Variants in NARF observed in about 807,000 individuals in gnomAD.
NARF encodes nuclear prelamin A recognition factor.
NARF carries 41 observed loss-of-function variants against 48.0 expected under a neutral mutation model. The observed-to-expected ratio is 0.85, with a 90% CI of 0.66 to 1.11. The LOEUF is 1.11. NARF is among the 50% of genes least tolerant of loss of function. The pLI is 0.00. For synonymous variants in NARF, 215 were observed against 225.5 expected (o/e 0.95, Z 0.42); for missense variants, 613 against 590.2 (o/e 1.04, Z -0.40).
At position 82,458,753 on chromosome 17, in the gene NARF, C is replaced by A. The variant is rs916794332; in HGVS notation, c.-51C>A. ...GGCGGGCAGTGGTGTCCCAGTCTCC[C>A]GGTGCTTCCCTGAGGCTGAGGCGCC... On this transcript the variant is annotated 5_prime_UTR_variant, in exon 1 of 11. Transcript: ENST00000309794. 17 of 1,476,480 alleles carry A rather than the reference C, an allele frequency of 1.2e-5. No individual in the cohort carries two copies. The highest frequency in any genetic ancestry group is 1.5e-5 in the Non-Finnish European group (17 of 1,119,990). The allele number at this position is 1,476,480 out of a possible 1,614,324, so 91.5% of individuals were successfully genotyped here. A position where few individuals can be genotyped will look rare whatever the true frequency, so the allele number is the denominator to read the frequency against.
chr17:82,479,992 T>TCCATCCAG, intron 6 of NARF: 1 of 154,666 alleles, frequency 6.5e-6, no homozygotes, highest in African/African-American at 2.4e-5. Context: ...TGTGTCCTCC[T>TCCATCCAG]GTAGGTGCCA....
At chr17:82,470,716 G>A (rs888097830) in intron 4 of NARF, among the ~76,000 whole-genome samples, 9 of 152,020 alleles carry the variant, frequency 5.9e-5, no homozygotes, top group Admixed American at 2.0e-4. Context: ...GGATGGTCTC[G>A]ATCTCCTGAC....
At chr17:82,459,117 A>C in intron 1 of NARF, 1 of 1,178,792 alleles carries the variant, frequency 8.5e-7, no homozygotes. Flanking sequence ...CGCGCACCAC[A>C]GTCCGAGTAA....
chr17:82,461,567 C>T (rs556748347), intron 2 of NARF, among the ~76,000 whole-genome samples: 33 of 152,288 alleles, frequency 2.2e-4, no homozygotes, highest in Admixed American at 1.6e-3. Context: ...GCCGAGATCA[C>T]GCCACTGCAC....
Position 82,472,617 on chromosome 17 carries a change from A to G in NARF, c.439A>G (p.Ser147Gly). The G allele has an allele frequency of 6.2e-7, 1 of 1,613,668 alleles. No individual in the cohort carries two copies. The highest frequency in any genetic ancestry group is 8.5e-7 in the Non-Finnish European group (1 of 1,179,870). ...AGCTGCGGATTTTAGTATCCTGGAG[A>G]GTCAAAAAGAATTCGTGCGTCGCTA... Reference protein sequence around the residue: ...TIAADFSILESQKEFVRRYRQ... With the variant: ...TIAADFSILEGQKEFVRRYRQ... The change falls in exon 5 of 11, where the codon AGT becomes GGT. Residue 147 changes from serine (S) to glycine (G), a missense_variant. Physicochemically the swap from Ser to Gly is moderately conservative, Grantham distance 56 (BLOSUM62 0). Coordinates refer to ENST00000309794, the MANE Select transcript of NARF (RefSeq NM_012336.4).
intron 3 of NARF, among the ~76,000 whole-genome samples, chr17:82,464,784 G>A (rs1008370169): frequency 3.3e-5 from 5 of 152,160 alleles, no homozygotes; most frequent in South Asian, 2.1e-4. Context: ...TCGGCTGCAC[G>A]TTTTCGGACA....
At chr17:82,478,492 C>A in intron 5 of NARF, 1 of 468,690 alleles carries the variant, frequency 2.1e-6, no homozygotes, top group Non-Finnish European at 4.2e-6. Context: ...GCTGCTCCTG[C>A]TGCCTTTCAG....
At chr17:82,479,185 A>T in intron 6 of NARF, 1 of 297,326 alleles carries the variant, frequency 3.4e-6, no homozygotes, top group Non-Finnish European at 6.4e-6. Flanking sequence ...GGGGTAGAGT[A>T]GAAATGCTGC....
intron 6 of NARF, among the ~76,000 whole-genome samples, chr17:82,479,455 C>T (rs1327825374): frequency 6.6e-6 from 1 of 152,252 alleles, no homozygotes; most frequent in Non-Finnish European, 1.5e-5. Context: ...CGGCCTGAGG[C>T]TCCTGCGTGC....
intron 10 of NARF, 54 bp downstream of exon 10, chr17:82,485,708 A>G: frequency 6.3e-7 from 1 of 1,597,240 alleles, no homozygotes; most frequent in South Asian, 1.1e-5. Flanking sequence ...CTCAGGCCAC[A>G]CTGGTCCTGC....
At chr17:82,487,796 A>AAC in intron 10 of NARF, 120 bp from the exon 11 acceptor site, 1 of 819,918 alleles carries the variant, frequency 1.2e-6, no homozygotes, top group Non-Finnish European at 1.9e-6. Context: ...CCCAATCTCT[A>AAC]CAAAAAATTT....
rs112551575 is a variant in NARF at position 82,488,613 on chromosome 17, T to C, written c.*456T>C. On this transcript the variant is annotated 3_prime_UTR_variant, in exon 11 of 11. Transcript: ENST00000309794. ...TGGTATTGAATTCCTGACCTCCTGA[T>C]CCACCCGCCTTGGCCTCCCAAAGTG... 0.033 allele frequency: 5,262 copies of C among 161,766 alleles called. 125 individuals carry two copies. The highest frequency in any genetic ancestry group is 0.052 in the Non-Finnish European group (3,824 of 72,898). The allele number at this position is 161,766 out of a possible 1,614,324, so 10.0% of individuals were successfully genotyped here.
chr17:82,467,783 T>A (rs1302913183), intron 3 of NARF, among the ~76,000 whole-genome samples: 1 of 152,036 alleles, frequency 6.6e-6, no homozygotes, highest in Non-Finnish European at 1.5e-5. Context: ...GGATTACAGG[T>A]ATGAGCCACC....
rs73999959 is a variant in NARF, at chr17:82,488,288, G to C, written c.*131G>C. 83 of 1,381,608 alleles carry C rather than the reference G, an allele frequency of 6.0e-5. No individual in the cohort carries two copies. The Middle Eastern group carries it at 7.9e-4, about 13-fold the overall frequency. 85.6% of individuals were successfully genotyped at this position (1,381,608 alleles called of 1,614,324 possible). Reference sequence around the variant, plus strand: ...CTCAATGGATTACTTTGGTTTCTCCGAGTTCCCTGCTACCCCGTTTATTGG... The same window carrying C: ...CTCAATGGATTACTTTGGTTTCTCCCAGTTCCCTGCTACCCCGTTTATTGG... On this transcript the variant is annotated 3_prime_UTR_variant, in exon 11 of 11. Transcript: ENST00000309794.
chr17:82,475,425 C>T (rs1599840107), intron 5 of NARF, among the ~76,000 whole-genome samples: 1 of 152,106 alleles, frequency 6.6e-6, no homozygotes, highest in Non-Finnish European at 1.5e-5. Flanking sequence ...ACGGTGAAAC[C>T]CCGTCTCTAC....
intron 4 of NARF, among the ~76,000 whole-genome samples, chr17:82,469,514 G>A (rs1200682278): frequency 6.6e-6 from 1 of 152,166 alleles, no homozygotes; most frequent in Non-Finnish European, 1.5e-5. Context: ...ACAGCCTTGA[G>A]CATCCTCATA....
At chr17:82,483,956 AC>A in intron 8 of NARF, 177 bp downstream of exon 8, 3 of 576,192 alleles carry the variant, frequency 5.2e-6, no homozygotes, top group Non-Finnish European at 9.2e-6. Context: ...TGAATGGGAT[AC>A]CATTCACCAG....
intron 1 of NARF, 53 bp from the exon 2 acceptor site, chr17:82,459,934 ATTTTC>A (rs2043392228): frequency 7.5e-7 from 1 of 1,328,704 alleles, no homozygotes; most frequent in African/African-American, 1.5e-5. Context: ...GAATGTGCAC[ATTTTC>A]TTAAGGGAGA....
chr17:82,464,157 G>A (rs2043504741), intron 2 of NARF, 130 bp from the exon 3 acceptor site: 1 of 1,219,578 alleles, frequency 8.2e-7, no homozygotes, highest in Non-Finnish European at 1.1e-6. Context: ...AGCCCCTTGA[G>A]CACCAGGCCT....
Sources: gnomAD v4.1 joint callset for allele counts (sites outside exome capture counted in the v4.1 genomes callset) on GRCh38, gnomAD v4.1.1 for gene constraint, MANE v1.5 for transcripts, NCBI Gene and HGNC (gene_info 2026-07-23, HGNC 2026-07-21) for gene names.